The following ERBB4 variants were observed in gnomAD, a reference collection of about 807,000 sequenced individuals.
ERBB4 encodes the protein erb-b2 receptor tyrosine kinase 4.
ERBB4 carries 42 observed loss-of-function variants against 158.0 expected under a neutral mutation model. That is an observed-to-expected ratio of 0.27 (90% CI 0.21 to 0.34). The LOEUF (loss-of-function observed/expected upper bound fraction) is 0.34, where lower values mean the gene tolerates loss of function less well. Ranked by LOEUF, ERBB4 falls within the 10% of genes least tolerant of loss-of-function variation. The pLI is 1.00. For synonymous variants in ERBB4, 583 were observed against 558.7 expected (o/e 1.04, Z -0.61); for missense variants, 1,333 against 1,624.1 (o/e 0.82, Z 3.08).
intron 1 of ERBB4, among the ~76,000 whole-genome samples, chr2:212,215,025 C>T (rs1398195540): frequency 6.6e-6 from 1 of 151,392 alleles, no homozygotes; most frequent in African/African-American, 2.4e-5. Flanking sequence ...TATATAAAGT[C>T]CAAAACAGGC....
chr2:212,313,213 T>C (rs2087124683), intron 1 of ERBB4, among the ~76,000 whole-genome samples: 1 of 150,842 alleles, frequency 6.6e-6, no homozygotes, highest in Non-Finnish European at 1.5e-5. Flanking sequence ...ATGTTATTAC[T>C]GACACAAATT....
chr2:211,718,148 G>T (rs996562407), intron 7 of ERBB4, among the ~76,000 whole-genome samples: 5 of 152,112 alleles, frequency 3.3e-5, no homozygotes, highest in Admixed American at 2.0e-4. Context: ...CTGACCTCAC[G>T]TGATCTGTCC....
intron 1 of ERBB4, among the ~76,000 whole-genome samples, chr2:212,443,284 T>A (rs2105985274): frequency 6.6e-6 from 1 of 152,348 alleles, no homozygotes; most frequent in South Asian, 2.1e-4. Flanking sequence ...ATTCATGACA[T>A]TATGCTGATT....
chr2:212,010,107 A>G (rs2076349451), intron 2 of ERBB4, among the ~76,000 whole-genome samples: 1 of 152,106 alleles, frequency 6.6e-6, no homozygotes, highest in African/African-American at 2.4e-5. Flanking sequence ...TTGACCATGG[A>G]TTGCCCAAGA....
chr2:211,920,948 TTTATA>T (rs1309070576), intron 3 of ERBB4, among the ~76,000 whole-genome samples: 2 of 149,126 alleles, frequency 1.3e-5, no homozygotes, highest in Non-Finnish European at 3.0e-5. Context: ...ACTGGAATGT[TTTATA>T]TTTGACACAC....
chr2:211,437,501 G>A (rs2063880928), intron 20 of ERBB4, among the ~76,000 whole-genome samples: 1 of 152,168 alleles, frequency 6.6e-6, no homozygotes, highest in African/African-American at 2.4e-5. Context: ...TGATATGTGA[G>A]TCACAACAAT....
At chr2:212,295,994 T>C (rs1265294840) in intron 1 of ERBB4, among the ~76,000 whole-genome samples, 1 of 152,028 alleles carries the variant, frequency 6.6e-6, no homozygotes, top group Non-Finnish European at 1.5e-5. Context: ...TTTTAATTTG[T>C]TTTTTGAGGT....
At chr2:212,350,568 T>C (rs935139097) in intron 1 of ERBB4, among the ~76,000 whole-genome samples, 1 of 152,178 alleles carries the variant, frequency 6.6e-6, no homozygotes, top group Non-Finnish European at 1.5e-5. Context: ...ACATTAAGAT[T>C]ATATTCCCTT....
intron 13 of ERBB4, among the ~76,000 whole-genome samples, chr2:211,678,301 AAAAAAAAACAAACAAAC>A (rs2072173689): frequency 3.0e-4 from 1 of 3,360 alleles, no homozygotes; most frequent in Non-Finnish European, 8.7e-4. Context: ...ACAAACAAAC[AAAAAAAAACAAACAAAC>A]AAAAAAAAAA....
chr2:211,706,267 T>A (rs1483549180), intron 9 of ERBB4, among the ~76,000 whole-genome samples: 5 of 152,088 alleles, frequency 3.3e-5, no homozygotes, highest in Admixed American at 3.3e-4. Flanking sequence ...CCAAACAAAT[T>A]TTATTCTTAC....
chr2:211,681,017 C>T, intron 12 of ERBB4, among the ~76,000 whole-genome samples: 1 of 152,166 alleles, frequency 6.6e-6, no homozygotes, highest in East Asian at 1.9e-4. Flanking sequence ...CCTCCTGCAC[C>T]ATCCTCCTTA....
chr2:212,430,481 C>T (rs888866643), intron 1 of ERBB4, among the ~76,000 whole-genome samples: 3 of 150,656 alleles, frequency 2.0e-5, no homozygotes, highest in Non-Finnish European at 2.9e-5. Context: ...CGCTTTGTTG[C>T]CCAGGCTGGA....
At chr2:211,905,660 ATATATATATATATATATATATACACAC>A (rs1188621744) in intron 3 of ERBB4, among the ~76,000 whole-genome samples, 6 of 122,188 alleles carry the variant, frequency 4.9e-5, no homozygotes, top group African/African-American at 2.0e-4. Flanking sequence ...ATATATATAT[ATATATATATATATATATATATACACAC>A]ATATATGTGT....
intron 1 of ERBB4, among the ~76,000 whole-genome samples, chr2:212,225,186 T>C (rs2083432794): frequency 6.6e-6 from 1 of 152,082 alleles, no homozygotes; most frequent in Non-Finnish European, 1.5e-5. Context: ...TTACAGCTTC[T>C]CTGCTTAGAA....
At chr2:211,869,232 G>A (rs1223475633) in intron 3 of ERBB4, among the ~76,000 whole-genome samples, 1 of 152,154 alleles carries the variant, frequency 6.6e-6, no homozygotes, top group Non-Finnish European at 1.5e-5. Flanking sequence ...GAAGCCAGAT[G>A]GCCTGCAGTG....
chr2:211,387,937 A>ATACT lies in ERBB4; in HGVS notation c.3183+4_3183+7dup. ...CTAAAAGATGAAGGTTGATTGTGAA[A>ATACT]TACTTACTCCTGACATGGGGGTGTA... On this transcript the variant is annotated splice_region_variant and intron_variant, in intron 26 of 27. Transcript: ENST00000342788. The ATACT allele has an allele frequency of 6.2e-7, 1 of 1,601,306 alleles. No homozygotes were observed. Among genetic ancestry groups the ATACT allele is most frequent in the South Asian group, 1.1e-5 (1 of 90,788 alleles).
At chr2:211,617,901 T>C (rs1320076410) in intron 19 of ERBB4, among the ~76,000 whole-genome samples, 1 of 152,030 alleles carries the variant, frequency 6.6e-6, no homozygotes, top group Admixed American at 6.6e-5. Context: ...AAAGAACATA[T>C]ATGGTCTTTG....
At chr2:211,653,677 T>C (rs1559384132) in intron 16 of ERBB4, among the ~76,000 whole-genome samples, 1 of 152,102 alleles carries the variant, frequency 6.6e-6, no homozygotes, top group African/African-American at 2.4e-5. Context: ...ATTTTCTTTT[T>C]TGGGGGGGTT....
intron 1 of ERBB4, among the ~76,000 whole-genome samples, chr2:212,214,475 T>G (rs1341972561): frequency 6.6e-6 from 1 of 151,840 alleles, no homozygotes; most frequent in Non-Finnish European, 1.5e-5. Context: ...ATTAGGAGAT[T>G]GCAAATTTAT....
Sources: allele counts gnomAD v4.1 joint callset (sites outside exome capture counted in the v4.1 genomes callset), GRCh38; gene constraint gnomAD v4.1.1; transcripts MANE v1.5; gene names NCBI Gene and HGNC (gene_info 2026-07-23, HGNC 2026-07-21).